Variants in AP5Z1 observed in about 807,000 individuals in gnomAD.
AP5Z1 encodes adaptor related protein complex 5 subunit zeta 1, also known as AP-5 complex subunit zeta-1.
A neutral mutation model predicts 83.0 loss-of-function variants in AP5Z1; 106 were observed. The ratio of observed to expected loss-of-function variants is 1.28; its 90% CI spans 1.09 to 1.50. The LOEUF is 1.50. AP5Z1 is among the 40% of genes most tolerant of loss of function. The pLI is 0.00. For missense variants in AP5Z1, 1,565 were observed against 1,094.2 expected (o/e 1.43, Z -6.07); for synonymous variants, 751 against 514.1 (o/e 1.46, Z -6.23).
In AP5Z1 at chr7:4,784,278, A is replaced by C; in HGVS notation, c.697A>C (p.Thr233Pro). 6.2e-7 allele frequency: 1 copy of C among 1,601,770 alleles called. No individual in the cohort carries two copies. The highest frequency in any genetic ancestry group is 8.5e-7 in the Non-Finnish European group (1 of 1,175,252). Residue 233 changes from threonine (T) to proline (P), a missense_variant, in exon 6 of 17, where the codon ACA becomes CCA. By Grantham distance (38) the Thr-to-Pro change is conservative. Transcript: ENST00000649063. ...FTVLSSGHRF[T>P]DDQWLNVQAF... ...GGTGCTCTCCAGCGGCCACCGCTTCACAGACGACCAGTGGCTGAACGTGCA... is the reference window on the plus strand; with the variant it reads ...GGTGCTCTCCAGCGGCCACCGCTTCCCAGACGACCAGTGGCTGAACGTGCA...
At chr7:4,783,537 G>A in intron 4 of AP5Z1, 77 bp downstream of exon 4, 1 of 1,574,570 alleles carries the variant, frequency 6.4e-7, no homozygotes, top group African/African-American at 1.3e-5. Flanking sequence ...TGGTGGGTTG[G>A]GAGTGTGGGG....
chr7:4,788,358 T>C, intron 12 of AP5Z1, 64 bp downstream of exon 12: 1 of 1,492,846 alleles, frequency 6.7e-7, no homozygotes, highest in South Asian at 1.3e-5. Flanking sequence ...GCCACTGGGG[T>C]GGGGCTCACT....
intron 1 of AP5Z1, among the ~76,000 whole-genome samples, chr7:4,777,097 G>T (rs986369532): frequency 1.3e-5 from 2 of 152,174 alleles, no homozygotes; most frequent in Non-Finnish European, 2.9e-5. Context: ...ATTAGGAAGA[G>T]GCTTGGTGAA....
chr7:4,776,381 G>A (rs1373363720), intron 1 of AP5Z1, among the ~76,000 whole-genome samples: 1 of 151,982 alleles, frequency 6.6e-6, no homozygotes, highest in Admixed American at 6.6e-5. Context: ...ACAGACTCAC[G>A]GTCCACCAAA....
In AP5Z1 at chr7:4,789,541, C is replaced by T. The variant is rs12155329; in HGVS notation, c.1708-291C>T. 0.021 allele frequency among the ~76,000 whole-genome samples: 3,127 copies of T among 152,338 alleles called. 46 individuals carry two copies. Among genetic ancestry groups the T allele is most frequent in the Non-Finnish European group, 0.028 (1,925 of 68,024 alleles). ...CAGGGGGCTGGGCGTTGCTTGGGCG[C>T]ACCCTTGGCCAAACAAGACGTGTGC... On this transcript the variant is annotated intron_variant, in intron 13 of 16. Transcript: ENST00000649063.
rs770649617 is a variant in AP5Z1 at position 4,788,302 on chromosome 7, G to A, written c.1595+8G>A. 8 of 1,578,032 alleles carry A rather than the reference G, an allele frequency of 5.1e-6. No individual in the cohort carries two copies. In the African/African-American group the frequency reaches 9.5e-5, roughly 19 times the overall value. On this transcript the variant is annotated splice_region_variant and intron_variant, in intron 12 of 16. Coordinates refer to ENST00000649063, the MANE Select transcript of AP5Z1 (RefSeq NM_014855.3). The stretch of plus-strand genomic sequence containing the variant: ...CAGTGGCGCCACTGAGAGGTACGGG[G>A]CCCTAGGGCCAGGGGGCCACCAGTG...
At chr7:4,787,580 G>A in intron 10 of AP5Z1, 54 bp from the exon 11 acceptor site, 1 of 1,520,762 alleles carries the variant, frequency 6.6e-7, no homozygotes, top group Non-Finnish European at 8.8e-7. Context: ...TCCTCCCTCT[G>A]CCGCCTGCTC....
chr7:4,778,334 G>C (rs980840341), intron 1 of AP5Z1, among the ~76,000 whole-genome samples: 1 of 152,180 alleles, frequency 6.6e-6, no homozygotes, highest in African/African-American at 2.4e-5. Context: ...GCAAGCTGAA[G>C]GATAAATGGA....
intron 13 of AP5Z1, 25 bp from the exon 14 acceptor site, chr7:4,789,807 C>T: frequency 6.5e-7 from 1 of 1,543,208 alleles, no homozygotes; most frequent in Non-Finnish European, 8.8e-7. Flanking sequence ...TGGGGCTGAG[C>T]CTGTTTCCCA....
intron 13 of AP5Z1, among the ~76,000 whole-genome samples, chr7:4,789,508 G>A (rs1781675287): frequency 6.6e-6 from 1 of 152,258 alleles, no homozygotes; most frequent in African/African-American, 2.4e-5. Context: ...GGGAGGTGGG[G>A]AGGCCGGCAG....
At chr7:4,789,075 C>T (rs1010748392) in intron 13 of AP5Z1, 124 bp downstream of exon 13, 47 of 838,128 alleles carry the variant, frequency 5.6e-5, no homozygotes, top group African/African-American at 5.4e-4. Flanking sequence ...CCACCATCCA[C>T]GGTCCCTGTG....
rs763042987 is a variant in AP5Z1, at chr7:4,785,536, C to T, written c.984C>T (p.Ala328=). The change falls in exon 9 of 17, where the codon GCC becomes GCT. Residue 328 remains alanine (A), a synonymous_variant. Coordinates refer to ENST00000649063, the MANE Select transcript of AP5Z1 (RefSeq NM_014855.3). The part of the protein sequence containing the change: ...SDLQKACLVE[A]VLVLDVLCRQ... ...ATGTCCCGCAGTGCCTGGTGGAGGC[C>T]GTGCTGGTGCTGGACGTGCTGTGCC... 9 of 1,612,802 alleles carry T rather than the reference C, an allele frequency of 5.6e-6. No individual in the cohort carries two copies. Among genetic ancestry groups the T allele is most frequent in the East Asian group, 2.2e-5 (1 of 44,874 alleles).
rs1163722828 is a variant in AP5Z1, at chr7:4,788,225, T to G, written c.1526T>G (p.Phe509Cys). ...SLRAPSCLEA[F>C]RDPQFQGLFQ... is the part of the protein sequence containing the mutation. ...AGGGCCCCCAGCTGCCTGGAGGCCT[T>G]CCGGGACCCGCAGTTCCAGGGTCTT... The change falls in exon 12 of 17, where the codon TTC becomes TGC. Residue 509 changes from phenylalanine to cysteine, a missense_variant. Physicochemically the swap from Phe to Cys is radical, Grantham distance 205 (BLOSUM62 -2). Coordinates refer to ENST00000649063, the MANE Select transcript of AP5Z1 (RefSeq NM_014855.3). 1 of 1,572,892 alleles carries G rather than the reference T, an allele frequency of 6.4e-7. No individual in the cohort carries two copies. Among genetic ancestry groups the G allele is most frequent in the Non-Finnish European group, 8.6e-7 (1 of 1,160,370 alleles).
At chr7:4,782,861 TCCCAGCCA>T (rs931884961) in intron 3 of AP5Z1, among the ~76,000 whole-genome samples, 7 of 152,188 alleles carry the variant, frequency 4.6e-5, no homozygotes, top group African/African-American at 1.2e-4. Context: ...GCACGTGGCC[TCCCAGCCA>T]CCCAGCCGCC....
intron 16 of AP5Z1, 22 bp downstream of exon 16, chr7:4,790,909 G>T (rs575948599): frequency 1.9e-6 from 3 of 1,569,112 alleles, no homozygotes; most frequent in African/African-American, 1.4e-5. Context: ...GGGAGGGAGC[G>T]AAGCCTTCTG....
At chr7:4,790,259 C>A in intron 14 of AP5Z1, 200 bp from the exon 15 acceptor site, 5 of 1,544,370 alleles carry the variant, frequency 3.2e-6, no homozygotes, top group Non-Finnish European at 3.5e-6. Flanking sequence ...GAGCCTGGGC[C>A]TGAGGCCAGC....
In AP5Z1 at chr7:4,788,970, G is replaced by T; in HGVS notation, c.1707+19G>T. 1.2e-6 allele frequency: 2 copies of T among 1,601,644 alleles called. No individual in the cohort carries two copies. ...GACCCAGGTGAGCTCGCTGCCTGGG[G>T]CCCCCCATTCCCACAGGCCTCACAA... is the stretch of plus-strand genomic sequence containing the variant. On this transcript the variant is annotated intron_variant, in intron 13 of 16. Coordinates refer to ENST00000649063, the MANE Select transcript of AP5Z1 (RefSeq NM_014855.3).
At chr7:4,777,684 C>A (rs776430108) in intron 1 of AP5Z1, among the ~76,000 whole-genome samples, 9 of 152,176 alleles carry the variant, frequency 5.9e-5, no homozygotes, top group African/African-American at 1.7e-4. Context: ...CCACCATACC[C>A]GGCTGAGCCC....
At position 4,793,795 on chromosome 7, in the gene AP5Z1, C is replaced by G. The variant is rs1477749214; in HGVS notation, c.*2410C>G. 1 of 153,412 alleles carries G rather than the reference C, an allele frequency of 6.5e-6. No homozygotes were observed. Among genetic ancestry groups the G allele is most frequent in the Admixed American group, 6.5e-5 (1 of 15,294 alleles). The allele number at this position is 153,412 out of a possible 1,614,324, so 9.5% of individuals were successfully genotyped here. A position where few individuals can be genotyped will look rare whatever the true frequency, so the allele number is the denominator to read the frequency against. ...TCCCCTCCGTGGGTTCCTGCGCAGT[C>G]CGAGCCTCCCCAACGAGTGTTGCCA... is the stretch of plus-strand genomic sequence containing the variant. On this transcript the variant is annotated 3_prime_UTR_variant, in exon 17 of 17. Coordinates refer to ENST00000649063, the MANE Select transcript of AP5Z1 (RefSeq NM_014855.3).
Sources: allele counts gnomAD v4.1 joint callset (sites outside exome capture counted in the v4.1 genomes callset), GRCh38; gene constraint gnomAD v4.1.1; transcripts MANE v1.5; gene names NCBI Gene and HGNC (gene_info 2026-07-23, HGNC 2026-07-21).